MPHOSPH9: variants seen among roughly 807,000 people sequenced by gnomAD.
MPHOSPH9 encodes the protein M-phase phosphoprotein 9.
MPHOSPH9 carries 88 observed loss-of-function variants against 145.5 expected under a neutral mutation model. The ratio of observed to expected loss-of-function variants is 0.60; its 90% CI spans 0.51 to 0.72. The LOEUF is 0.72. MPHOSPH9 is among the 30% of genes least tolerant of loss of function. MPHOSPH9 has a pLI of 0.00. For missense variants in MPHOSPH9, 1,238 were observed against 1,386.6 expected (o/e 0.89, Z 1.70); for synonymous variants, 435 against 486.2 (o/e 0.89, Z 1.39).
chr12:123,243,010 A>C (rs2047966489), intron 1 of MPHOSPH9, among the ~76,000 whole-genome samples: 2 of 152,214 alleles, frequency 1.3e-5, no homozygotes, highest in Non-Finnish European at 2.9e-5. Flanking sequence ...TTGGACATTG[A>C]CTTAGTCTAC....
rs1476941610 is a variant in MPHOSPH9, at chr12:123,163,015, G to C, written c.3028C>G (p.Arg1010Gly). 6.4e-7 allele frequency: 1 copy of C among 1,553,008 alleles called. No individual in the cohort carries two copies. Among genetic ancestry groups the C allele is most frequent in the East Asian group, 2.4e-5 (1 of 41,544 alleles). ...LLSKNESSPI[R>G]FDILLDDLDT... ...ATTCTACAATTTTAGAGAACTTACCGAATTGGACTGCTCTCATTTTTGCTA... is the reference window on the plus strand; with the variant it reads ...ATTCTACAATTTTAGAGAACTTACCCAATTGGACTGCTCTCATTTTTGCTA... The change falls in exon 20 of 24, where the codon CGA becomes GGA. Residue 1010 changes from arginine to glycine, a missense_variant and splice_region_variant. This residue lies in a region of MPHOSPH9 where 393 missense variants were observed against 462.5 expected (regional missense o/e 0.85). Coordinates refer to ENST00000606320, the MANE Select transcript of MPHOSPH9 (RefSeq NM_022782.4).
chr12:123,243,718 AAAAG>A (rs1240824652), intron 1 of MPHOSPH9: 2 of 152,260 alleles, frequency 1.3e-5, no homozygotes, highest in Non-Finnish European at 1.5e-5. Context: ...TAAAAAATAA[AAAAG>A]AAATAGCAGA....
chr12:123,158,270 C>T (rs548549131), intron 23 of MPHOSPH9, among the ~76,000 whole-genome samples: 8 of 152,254 alleles, frequency 5.3e-5, no homozygotes, highest in African/African-American at 1.4e-4. Flanking sequence ...GCTGGGATTA[C>T]AGGCGTGAAC....
At chr12:123,196,034 C>CAA (rs571566355) in intron 12 of MPHOSPH9, among the ~76,000 whole-genome samples, 2 of 131,804 alleles carry the variant, frequency 1.5e-5, no homozygotes, top group East Asian at 4.3e-4. Flanking sequence ...GACCCTGTCT[C>CAA]AAAAAAAAAA....
At chr12:123,222,946 G>C in intron 4 of MPHOSPH9, 92 bp downstream of exon 4, 3 of 730,032 alleles carry the variant, frequency 4.1e-6, no homozygotes, top group Non-Finnish European at 6.0e-6. Flanking sequence ...CTATATATGT[G>C]TGTGTGTATA....
intron 8 of MPHOSPH9, among the ~76,000 whole-genome samples, chr12:123,203,597 A>T (rs2046308638): frequency 6.6e-6 from 1 of 152,196 alleles, no homozygotes; most frequent in Non-Finnish European, 1.5e-5. Flanking sequence ...CACTAAGGGG[A>T]TAATGTGAAC....
intron 1 of MPHOSPH9, among the ~76,000 whole-genome samples, chr12:123,232,040 G>A (rs1229230092): frequency 6.6e-6 from 1 of 150,926 alleles, no homozygotes; most frequent in Non-Finnish European, 1.5e-5. Flanking sequence ...AAGGGTAACC[G>A]GACCTAACTA....
Position 123,194,595 on chromosome 12 carries a change from A to G in MPHOSPH9, c.2032T>C (p.Leu678=), listed in dbSNP as rs1454739938. The G allele has an allele frequency of 6.3e-7, 1 of 1,580,114 alleles. No homozygotes were observed. Among genetic ancestry groups the G allele is most frequent in the South Asian group, 1.2e-5 (1 of 84,622 alleles). The change falls in exon 13 of 24, where the codon TTG becomes CTG. Residue 678 remains leucine (L), a synonymous_variant. Coordinates refer to ENST00000606320, the MANE Select transcript of MPHOSPH9 (RefSeq NM_022782.4). Reference sequence around the variant, plus strand: ...CTGGCTGCACTGAAGCGTTCTCTCAAATCATTCTATAAAACAAAGACAAAC... The same window carrying G: ...CTGGCTGCACTGAAGCGTTCTCTCAGATCATTCTATAAAACAAAGACAAAC... ...NNLLEIEVND[L]RERFSAASSA... is the part of the protein sequence containing the mutation.
chr12:123,224,124 A>G (rs1472875870), intron 3 of MPHOSPH9, among the ~76,000 whole-genome samples: 1 of 133,698 alleles, frequency 7.5e-6, no homozygotes, highest in Non-Finnish European at 1.6e-5. Flanking sequence ...ATATATATAT[A>G]TACACATTTT....
chr12:123,160,652 TA>T, intron 23 of MPHOSPH9, 128 bp downstream of exon 23: 2 of 758,184 alleles, frequency 2.6e-6, no homozygotes, highest in Non-Finnish European at 4.1e-6. Context: ...CCGTAAAAGC[TA>T]AAAGTTTTGA....
chr12:123,175,394 C>T (rs1192106089), intron 16 of MPHOSPH9, among the ~76,000 whole-genome samples: 2 of 152,096 alleles, frequency 1.3e-5, no homozygotes, highest in African/African-American at 4.8e-5. Flanking sequence ...ACCTTGTGAT[C>T]CGCCCGCCTC....
At chr12:123,206,996 C>T (rs2046463207) in intron 8 of MPHOSPH9, among the ~76,000 whole-genome samples, 1 of 151,650 alleles carries the variant, frequency 6.6e-6, no homozygotes, top group Non-Finnish European at 1.5e-5. Context: ...AGGGGAATCA[C>T]TTGAGCCCAG....
intron 12 of MPHOSPH9, among the ~76,000 whole-genome samples, chr12:123,197,030 GGTT>G (rs1362068080): frequency 3.3e-5 from 4 of 122,198 alleles, no homozygotes; most frequent in Admixed American, 1.0e-4. Context: ...AAGGGGTGTG[GGTT>G]TTTTTTTTTT....
intron 2 of MPHOSPH9, among the ~76,000 whole-genome samples, chr12:123,229,481 T>A (rs1346197444): frequency 6.6e-6 from 1 of 152,242 alleles, no homozygotes; most frequent in Non-Finnish European, 1.5e-5. Flanking sequence ...TTTGATAACA[T>A]CTATTTAGTC....
At chr12:123,218,115 A>G (rs1317168351) in intron 6 of MPHOSPH9, among the ~76,000 whole-genome samples, 1 of 151,662 alleles carries the variant, frequency 6.6e-6, no homozygotes, top group Non-Finnish European at 1.5e-5. Context: ...CTGTACCACC[A>G]CAGGTGCTTG....
chr12:123,191,711 A>G (rs1458350928), intron 13 of MPHOSPH9, among the ~76,000 whole-genome samples: 1 of 152,216 alleles, frequency 6.6e-6, no homozygotes, highest in Non-Finnish European at 1.5e-5. Flanking sequence ...AGCCTGGAAC[A>G]TAGTGCTGTG....
Position 123,164,082 on chromosome 12 carries a change from G to A in MPHOSPH9, c.2776C>T (p.Arg926Trp), listed in dbSNP as rs747387863. ...GCATTAACTGAAGTTTCAGTTTGCC[G>A]AGGATTTACTACAGCAGACCAAAAA... ...EKEDTSNINP[R>W]QTETSVNASR... is the part of the protein sequence containing the mutation. Residue 926 changes from arginine (R) to tryptophan (W), a missense_variant, in exon 19 of 24, where the codon CGG (arginine) becomes TGG (tryptophan). Around this residue, in one of 3 missense-constraint regions of MPHOSPH9, gnomAD observed 393 missense variants for 462.5 expected, o/e 0.85. Coordinates refer to ENST00000606320, the MANE Select transcript of MPHOSPH9 (RefSeq NM_022782.4). 48 of 1,613,958 alleles carry A rather than the reference G, an allele frequency of 3.0e-5. No homozygotes were observed. The highest frequency in any genetic ancestry group is 2.5e-4 in the South Asian group (23 of 91,080).
intron 1 of MPHOSPH9, among the ~76,000 whole-genome samples, chr12:123,242,995 A>G (rs964063795): frequency 7.9e-5 from 12 of 152,226 alleles, no homozygotes; most frequent in Non-Finnish European, 1.8e-4. Flanking sequence ...AAGGAAAGAT[A>G]AGTTTTGGAC....
chr12:123,216,850 G>A (rs948489845), intron 6 of MPHOSPH9, among the ~76,000 whole-genome samples: 16 of 152,050 alleles, frequency 1.1e-4, no homozygotes, highest in Admixed American at 3.3e-4. Flanking sequence ...TAAGCCAGGC[G>A]TGGTGGCACG....
Sources: gnomAD v4.1 joint callset for allele counts (sites outside exome capture counted in the v4.1 genomes callset) on GRCh38, gnomAD v4.1.1 for gene constraint, gnomAD v4.1.1 regional missense constraint, MANE v1.5 for transcripts, NCBI Gene and HGNC (gene_info 2026-07-23, HGNC 2026-07-21) for gene names.